Variants in MYO16 observed in about 807,000 individuals in gnomAD.
MYO16 encodes the protein myosin XVI.
MYO16 carries 94 observed loss-of-function variants against 205.3 expected under a neutral mutation model. That is an observed-to-expected ratio of 0.46 (90% CI 0.39 to 0.54). The LOEUF (loss-of-function observed/expected upper bound fraction) is 0.54. Ranked by LOEUF, MYO16 falls within the 20% of genes least tolerant of loss-of-function variation. The pLI is 0.00. For synonymous variants in MYO16, 988 were observed against 954.0 expected, an observed-to-expected ratio of 1.04 and a Z score of -0.66; for missense variants, 2,315 against 2,387.5, an observed-to-expected ratio of 0.97 and a Z score of 0.63.
intron 10 of MYO16, among the ~76,000 whole-genome samples, chr13:108,846,091 A>G (rs1417228986): frequency 6.6e-6 from 1 of 152,142 alleles, no homozygotes; most frequent in East Asian, 1.9e-4. Flanking sequence ...TGTGTACTTT[A>G]GTGTCTGGCA....
chr13:109,192,617 T>C (rs1042237137), intron 34 of MYO16, among the ~76,000 whole-genome samples: 4 of 152,108 alleles, frequency 2.6e-5, no homozygotes, highest in Non-Finnish European at 5.9e-5. Context: ...ATGAGAACCA[T>C]TGTGAGGGGC....
At chr13:108,912,153 C>T (rs1278073661) in intron 16 of MYO16, among the ~76,000 whole-genome samples, 1 of 152,128 alleles carries the variant, frequency 6.6e-6, no homozygotes, top group Non-Finnish European at 1.5e-5. Flanking sequence ...AGGACAACCT[C>T]TGTCCCGCCA....
chr13:108,937,843 C>T (rs1882559109), intron 16 of MYO16, among the ~76,000 whole-genome samples: 1 of 152,142 alleles, frequency 6.6e-6, no homozygotes, highest in Non-Finnish European at 1.5e-5. Context: ...CAATAAGCTT[C>T]CTTGCAATCC....
In MYO16 at chr13:109,052,466, A is replaced by G; in HGVS notation, c.3039A>G (p.Glu1013=). 2.5e-6 allele frequency: 4 copies of G among 1,601,026 alleles called. No individual in the cohort carries two copies. The South Asian group carries it at 4.5e-5, about 18-fold the overall frequency. Residue 1013 remains glutamate, a synonymous_variant, in exon 25 of 35, where the codon GAA becomes GAG. Transcript: ENST00000457511. ...TTGGAGAAAACAAGAATTATCTAGA[A>G]CTTAGTAAGGTAGGAGTTTTTATGA... ...SIIGENKNYL[E]LSKLLKKKGT... is the part of the protein sequence containing the mutation.
At chr13:109,118,693 C>T (rs1332143304) in intron 28 of MYO16, among the ~76,000 whole-genome samples, 2 of 152,134 alleles carry the variant, frequency 1.3e-5, no homozygotes, top group Non-Finnish European at 2.9e-5. Flanking sequence ...CTTTCCAATG[C>T]CTGTCTCACA....
chr13:108,944,790 A>G (rs1381475264), intron 16 of MYO16, among the ~76,000 whole-genome samples: 1 of 152,172 alleles, frequency 6.6e-6, no homozygotes, highest in Non-Finnish European at 1.5e-5. Context: ...GTTTAATCAT[A>G]TTTTCCTTAT....
chr13:109,141,440 A>G lies in MYO16; in HGVS notation c.5164+64A>G. On this transcript the variant is annotated intron_variant, in intron 32 of 34. Transcript: ENST00000457511. This position sits in a 1 kb window ranked among gnomAD's most constrained non-coding sequence, Gnocchi z 4.1. ...ACGCTGTGCTTGCGTGCACCTGTGT[A>G]CATCCGTGTCTGCGCAGATGTGAAA... 1 of 1,113,528 alleles carries G rather than the reference A, an allele frequency of 9.0e-7. No homozygotes were observed. Among genetic ancestry groups the G allele is most frequent in the Non-Finnish European group, 1.2e-6 (1 of 822,510 alleles). 69.0% of individuals were successfully genotyped at this position (1,113,528 alleles called of 1,614,324 possible). A position where few individuals can be genotyped will look rare whatever the true frequency, so the allele number is the denominator to read the frequency against.
intron 14 of MYO16, among the ~76,000 whole-genome samples, chr13:108,893,147 A>G (rs1880248813): frequency 6.6e-6 from 1 of 152,244 alleles, no homozygotes; most frequent in Admixed American, 6.5e-5. Context: ...AATATCATTC[A>G]GTGTCCAAGA....
chr13:109,188,848 C>T (rs1207499502), intron 34 of MYO16, among the ~76,000 whole-genome samples: 1 of 152,154 alleles, frequency 6.6e-6, no homozygotes, highest in African/African-American at 2.4e-5. Flanking sequence ...AATCCCAGCA[C>T]TTTGGGAGGC....
intron 28 of MYO16, among the ~76,000 whole-genome samples, chr13:109,104,171 A>G (rs887168700): frequency 3.9e-5 from 6 of 152,108 alleles, no homozygotes; most frequent in African/African-American, 1.4e-4. Context: ...TTCCTATGTC[A>G]TGTTCTTTCC....
At chr13:108,987,970 G>T (rs767071864) in intron 20 of MYO16, among the ~76,000 whole-genome samples, 2 of 152,170 alleles carry the variant, frequency 1.3e-5, no homozygotes, top group Non-Finnish European at 2.9e-5. Flanking sequence ...TATTTTGTCT[G>T]ATGTAAAGGG....
At chr13:108,586,381 T>C in the MYO16 span, among the ~76,000 whole-genome samples, 6 of 152,212 alleles carry the variant, frequency 3.9e-5, no homozygotes, top group Admixed American at 1.3e-4. Flanking sequence ...TTCCCTCATC[T>C]TTATACTATA....
At chr13:108,686,330 G>A (rs937540035) in intron 2 of MYO16, among the ~76,000 whole-genome samples, 1 of 152,210 alleles carries the variant, frequency 6.6e-6, no homozygotes, top group East Asian at 1.9e-4. Flanking sequence ...GCCTTTCCAT[G>A]TGCAGTGCAA....
At chr13:108,918,011 G>C (rs1486818113) in intron 16 of MYO16, among the ~76,000 whole-genome samples, 1 of 152,216 alleles carries the variant, frequency 6.6e-6, no homozygotes, top group Non-Finnish European at 1.5e-5. Flanking sequence ...CCAGCATGGG[G>C]CAGAGTTGAT....
At chr13:108,726,175 A>G (rs1884329080) in intron 3 of MYO16, among the ~76,000 whole-genome samples, 1 of 152,204 alleles carries the variant, frequency 6.6e-6, no homozygotes, top group African/African-American at 2.4e-5. Flanking sequence ...CATAACCCAG[A>G]AATTTTGCTG....
chr13:109,124,646 T>C (rs935204933), intron 29 of MYO16, among the ~76,000 whole-genome samples: 1 of 152,218 alleles, frequency 6.6e-6, no homozygotes, highest in Non-Finnish European at 1.5e-5. Context: ...GTCTTAAATA[T>C]AGTGTTAATT....
intron 29 of MYO16, among the ~76,000 whole-genome samples, chr13:109,123,354 G>A (rs1335780081): frequency 1.3e-5 from 2 of 152,152 alleles, no homozygotes; most frequent in African/African-American, 4.8e-5. Context: ...GGAGAAGTCT[G>A]GCACATCCAC....
At chr13:109,051,327 G>A (rs917972477) in intron 24 of MYO16, among the ~76,000 whole-genome samples, 1 of 152,228 alleles carries the variant, frequency 6.6e-6, no homozygotes, top group Non-Finnish European at 1.5e-5. Flanking sequence ...ACCTGGGCAG[G>A]CAAAATAATT....
chr13:108,830,643 G>A (rs1167588262), intron 9 of MYO16, among the ~76,000 whole-genome samples: 3 of 149,398 alleles, frequency 2.0e-5, no homozygotes, highest in Admixed American at 2.0e-4. Context: ...ATAGTATTGG[G>A]AGATATACCT....
Sources: allele counts gnomAD v4.1 joint callset (sites outside exome capture counted in the v4.1 genomes callset), GRCh38; gene constraint gnomAD v4.1.1; non-coding constraint Gnocchi (gnomAD v3.1); transcripts MANE v1.5; gene names NCBI Gene and HGNC (gene_info 2026-07-23, HGNC 2026-07-21).